Variants in DAAM2 observed in about 807,000 individuals in gnomAD.
The protein encoded by DAAM2 is disheveled-associated activator of morphogenesis 2.
Under a neutral mutation model 120.7 loss-of-function variants are expected in DAAM2, and 39 were observed. That is an observed-to-expected ratio of 0.32 (90% CI 0.25 to 0.42). The LOEUF (loss-of-function observed/expected upper bound fraction) is 0.42, where lower values mean the gene tolerates loss of function less well. DAAM2 is among the 10% of genes least tolerant of loss of function. The probability of loss-of-function intolerance (pLI) is 1.00; values close to 1 mark genes in which losing one functional copy is unlikely to be tolerated. For missense variants in DAAM2, 1,283 were observed against 1,401.7 expected, an observed-to-expected ratio of 0.92 and a Z score of 1.35; for synonymous variants, 488 against 524.9, an observed-to-expected ratio of 0.93 and a Z score of 0.96.
chr6:39,894,808 AGGGT>A (rs1765971513), intron 19 of DAAM2, among the ~76,000 whole-genome samples: 1 of 151,990 alleles, frequency 6.6e-6, no homozygotes. Flanking sequence ...TTGTAGAGAC[AGGGT>A]TTCACCATGT....
intron 15 of DAAM2, chr6:39,884,518 T>G (rs1156441195): frequency 2.5e-5 from 4 of 159,288 alleles, no homozygotes; most frequent in Non-Finnish European, 5.6e-5. Flanking sequence ...CACCACATTT[T>G]GTCTGTCAAC....
chr6:39,899,984 T>G (rs1766376042), intron 22 of DAAM2, 93 bp from the exon 23 acceptor site: 1 of 1,400,086 alleles, frequency 7.1e-7, no homozygotes, highest in African/African-American at 1.4e-5. Flanking sequence ...AAGGGCTCAA[T>G]GTCCTGTGAG....
At chr6:39,849,171 T>A (rs2149269761) in intron 1 of DAAM2, among the ~76,000 whole-genome samples, 1 of 152,320 alleles carries the variant, frequency 6.6e-6, no homozygotes. Context: ...AGATAGTAAG[T>A]GTTTTTGGCT....
rs116103279 is a variant in DAAM2, at chr6:39,888,611, C to T, written c.2061-68C>T. 2.3e-3 allele frequency: 3,186 copies of T among 1,364,242 alleles called. 47 individuals are homozygous for T. In the African/African-American group the frequency reaches 0.038, roughly 16 times the overall value. 84.5% of individuals were successfully genotyped at this position (1,364,242 alleles called of 1,614,324 possible). A position where few individuals can be genotyped will look rare whatever the true frequency, so the allele number is the denominator to read the frequency against. On this transcript the variant is annotated intron_variant, in intron 16 of 24. Transcript: ENST00000274867. ...AGTCCTGTTAGGGAATGAGGGAAGG[C>T]GGAGGTGGTACCTTTTGGAGAAGAA...
chr6:39,821,763 T>C (rs569637186), intron 1 of DAAM2: 2 of 152,262 alleles, frequency 1.3e-5, no homozygotes, highest in Non-Finnish European at 2.9e-5. Context: ...ATGTCAGATT[T>C]CTCCCTCATT....
chr6:39,842,194 C>A (rs1271452500), intron 1 of DAAM2, among the ~76,000 whole-genome samples: 1 of 152,186 alleles, frequency 6.6e-6, no homozygotes, highest in African/African-American at 2.4e-5. Context: ...CTCCACTCTG[C>A]CTCTCCCCAC....
At chr6:39,841,331 A>G (rs1214848917) in intron 1 of DAAM2, among the ~76,000 whole-genome samples, 4 of 45,150 alleles carry the variant, frequency 8.9e-5, no homozygotes, top group Non-Finnish European at 1.1e-4. Flanking sequence ...TTCTAGGGCG[A>G]GGGTTCCAGG....
chr6:39,820,499 C>A (rs1762454218), intron 1 of DAAM2: 1 of 152,156 alleles, frequency 6.6e-6, no homozygotes, highest in South Asian at 2.1e-4. Context: ...ACGTAGAATA[C>A]ATTTATCTTC....
chr6:39,871,153 G>T (rs907959313), intron 8 of DAAM2, among the ~76,000 whole-genome samples: 4 of 152,176 alleles, frequency 2.6e-5, no homozygotes, highest in Non-Finnish European at 2.9e-5. Context: ...ACACTAGGGG[G>T]TGCTGCTGGC....
intron 16 of DAAM2, 182 bp from the exon 17 acceptor site, chr6:39,888,494 CATT>C (rs1008050052): frequency 8.2e-6 from 4 of 489,120 alleles, no homozygotes; most frequent in African/African-American, 7.6e-5. Context: ...CTAAAATGCT[CATT>C]ATCAAGTTTG....
At chr6:39,866,754 T>C (rs976350019) in intron 5 of DAAM2, among the ~76,000 whole-genome samples, 3 of 152,108 alleles carry the variant, frequency 2.0e-5, no homozygotes, top group Non-Finnish European at 4.4e-5. Context: ...TACTGAGGAG[T>C]GTAAATGGTA....
intron 19 of DAAM2, among the ~76,000 whole-genome samples, chr6:39,895,232 T>A (rs1766003918): frequency 6.6e-6 from 1 of 151,246 alleles, no homozygotes; most frequent in Non-Finnish European, 1.5e-5. Context: ...ATTTACTTAT[T>A]TATTTATTTA....
intron 1 of DAAM2, among the ~76,000 whole-genome samples, chr6:39,842,832 A>AG (rs1004191698): frequency 1.6e-5 from 2 of 126,956 alleles, no homozygotes; most frequent in Non-Finnish European, 3.3e-5. Flanking sequence ...ATGAGAGAAG[A>AG]GGGGGAGGAA....
At chr6:39,871,436 G>A in intron 8 of DAAM2, 70 bp from the exon 9 acceptor site, 1 of 1,405,806 alleles carries the variant, frequency 7.1e-7, no homozygotes. Flanking sequence ...GCTCGAAGGG[G>A]CTGTAACCCT....
Position 39,823,726 on chromosome 6 carries a change from C to T in DAAM2, c.-57+31261C>T, listed in dbSNP as rs919435414. Among the ~76,000 whole-genome samples the T allele has an allele frequency of 2.0e-5, 3 of 152,318 alleles. No individual in the cohort carries two copies. The East Asian group carries it at 5.8e-4, about 29-fold the overall frequency. Reference sequence around the variant, plus strand: ...TGTGCATGTGACTTGTGCCTCACCACCCTGGGGGCATCCAGGGCTGTATCA... The same window carrying T: ...TGTGCATGTGACTTGTGCCTCACCATCCTGGGGGCATCCAGGGCTGTATCA... On this transcript the variant is annotated intron_variant, in intron 1 of 24. Coordinates refer to ENST00000274867, the MANE Select transcript of DAAM2 (RefSeq NM_001201427.2).
At chr6:39,836,258 T>C (rs1444104585) in intron 1 of DAAM2, among the ~76,000 whole-genome samples, 3 of 152,172 alleles carry the variant, frequency 2.0e-5, no homozygotes, top group Non-Finnish European at 4.4e-5. Context: ...ATTCATACTT[T>C]GGTGTTCTAT....
chr6:39,864,531 C>T, intron 4 of DAAM2, 24 bp downstream of exon 4: 1 of 1,584,384 alleles, frequency 6.3e-7, no homozygotes, highest in Non-Finnish European at 8.6e-7. Context: ...CCTCTCCTGC[C>T]CTGCCCCCAC....
rs971678651 is a variant in DAAM2, at chr6:39,875,397, C to A, written c.1230C>A (p.Leu410=). 6.2e-6 allele frequency: 10 copies of A among 1,613,986 alleles called. No homozygotes were observed. The highest frequency in any genetic ancestry group is 8.5e-6 in the Non-Finnish European group (10 of 1,179,882). The stretch of plus-strand genomic sequence containing the variant: ...ACCGCATCCTCCAGCAGATTGTCCT[C>A]CAGGATGAGCGGGGTGTGGACCCTG... ...LLDRILQQIV[L]QDERGVDPDL... The change falls in exon 11 of 25, where the codon CTC becomes CTA. Residue 410 remains leucine (L), a synonymous_variant. Coordinates refer to ENST00000274867, the MANE Select transcript of DAAM2 (RefSeq NM_001201427.2).
chr6:39,881,407 G>T (rs145249608), intron 14 of DAAM2, among the ~76,000 whole-genome samples: 9 of 152,218 alleles, frequency 5.9e-5, no homozygotes, highest in African/African-American at 2.2e-4. Flanking sequence ...TGTAAGTGGG[G>T]CAATAATAAT....
Sources: gnomAD v4.1 joint callset for allele counts (sites outside exome capture counted in the v4.1 genomes callset) on GRCh38, gnomAD v4.1.1 for gene constraint, MANE v1.5 for transcripts, NCBI Gene and HGNC (gene_info 2026-07-23, HGNC 2026-07-21) for gene names.